Variants in USP10 observed in about 807,000 individuals in gnomAD.
The protein encoded by USP10 is ubiquitin specific peptidase 10, also known as ubiquitin carboxyl-terminal hydrolase 10.
USP10 carries 22 observed loss-of-function variants against 84.5 expected under a neutral mutation model. That is an observed-to-expected ratio of 0.26 (90% CI 0.19 to 0.37). The LOEUF is 0.37. Ranked by LOEUF, USP10 falls within the 10% of genes least tolerant of loss-of-function variation. USP10 has a pLI of 1.00. For missense variants in USP10, 1,019 were observed against 998.9 expected, an observed-to-expected ratio of 1.02 and a Z score of -0.27; for synonymous variants, 454 against 387.6, an observed-to-expected ratio of 1.17 and a Z score of -2.01.
intron 11 of USP10, among the ~76,000 whole-genome samples, chr16:84,770,725 T>A (rs561094825): frequency 1.4e-5 from 2 of 142,320 alleles, no homozygotes; most frequent in East Asian, 4.1e-4. Flanking sequence ...TGAGCCGAGA[T>A]AGCGCCACTG....
chr16:84,731,249 G>T (rs1427960906), intron 1 of USP10, among the ~76,000 whole-genome samples: 1 of 151,166 alleles, frequency 6.6e-6, no homozygotes, highest in African/African-American at 2.4e-5. Context: ...AGAGTGCTGG[G>T]ATTACAGGTG....
At chr16:84,771,584 C>G (rs937139368) in intron 11 of USP10, among the ~76,000 whole-genome samples, 1 of 152,150 alleles carries the variant, frequency 6.6e-6, no homozygotes, top group African/African-American at 2.4e-5. Flanking sequence ...TGGGTCAATA[C>G]TAGGCCTAGC....
At chr16:84,774,660 CG>C (rs1216923021) in intron 12 of USP10, among the ~76,000 whole-genome samples, 2 of 152,050 alleles carry the variant, frequency 1.3e-5, no homozygotes, top group African/African-American at 4.8e-5. Context: ...TTAATAGAGA[CG>C]TGGTTTCACT....
chr16:84,738,480 A>G (rs1910213830), intron 2 of USP10, among the ~76,000 whole-genome samples: 2 of 152,154 alleles, frequency 1.3e-5, no homozygotes, highest in Admixed American at 1.3e-4. Flanking sequence ...TTCCTGAGAC[A>G]CACATGGCCG....
chr16:84,725,189 C>G (rs1033198709), intron 1 of USP10, among the ~76,000 whole-genome samples: 2 of 152,154 alleles, frequency 1.3e-5, no homozygotes, highest in South Asian at 2.1e-4. Context: ...CAGTCACCGC[C>G]TCCCGCTCCC....
At chr16:84,767,163 A>G (rs1047955664) in intron 10 of USP10, among the ~76,000 whole-genome samples, 1 of 152,150 alleles carries the variant, frequency 6.6e-6, no homozygotes, top group Non-Finnish European at 1.5e-5. Flanking sequence ...TCTTCACCGC[A>G]TCTGTTCTGG....
chr16:84,739,145 GC>G (rs1364483632), intron 2 of USP10, among the ~76,000 whole-genome samples: 1 of 141,824 alleles, frequency 7.1e-6, no homozygotes, highest in Admixed American at 7.2e-5. Flanking sequence ...TGCAAGCTCC[GC>G]CTCCCGGGTT....
At chr16:84,719,979 A>G (rs942042027) in intron 1 of USP10, among the ~76,000 whole-genome samples, 6 of 152,338 alleles carry the variant, frequency 3.9e-5, no homozygotes, top group Non-Finnish European at 5.9e-5. Flanking sequence ...TACTTCTTCA[A>G]CCAAACCTTC....
At chr16:84,742,489 C>A (rs1416465192) in intron 3 of USP10, among the ~76,000 whole-genome samples, 1 of 152,244 alleles carries the variant, frequency 6.6e-6, no homozygotes, top group African/African-American at 2.4e-5. Context: ...CCCTCGCCCC[C>A]TGCCTTGTAG....
At chr16:84,752,749 G>A in intron 4 of USP10, among the ~76,000 whole-genome samples, 1 of 152,112 alleles carries the variant, frequency 6.6e-6, no homozygotes, top group East Asian at 1.9e-4. Context: ...GGAAGAAGAG[G>A]AGCTCACGAA....
chr16:84,704,981 C>G, intron 1 of USP10: 1 of 1,366,956 alleles, frequency 7.3e-7, no homozygotes, highest in Non-Finnish European at 1.0e-6. Context: ...GGCCCAGCAC[C>G]TGCTACCGTC....
chr16:84,711,043 C>T (rs1360591120), intron 1 of USP10, among the ~76,000 whole-genome samples: 2 of 152,050 alleles, frequency 1.3e-5, no homozygotes, highest in African/African-American at 4.8e-5. Flanking sequence ...ATTTTAGCGC[C>T]GAGTGGAATG....
At chr16:84,707,605 C>T (rs1024177544) in intron 1 of USP10, among the ~76,000 whole-genome samples, 1 of 152,008 alleles carries the variant, frequency 6.6e-6, no homozygotes, top group Admixed American at 6.6e-5. Flanking sequence ...ACCTTGTTTT[C>T]AAAATTATTG....
At chr16:84,750,633 T>A (rs1235805486) in intron 4 of USP10, among the ~76,000 whole-genome samples, 2 of 152,220 alleles carry the variant, frequency 1.3e-5, no homozygotes, top group African/African-American at 4.8e-5. Flanking sequence ...GGAACATTCC[T>A]CATATACTAG....
At chr16:84,748,616 G>T (rs1248658195) in intron 4 of USP10, among the ~76,000 whole-genome samples, 1 of 152,090 alleles carries the variant, frequency 6.6e-6, no homozygotes, top group African/African-American at 2.4e-5. Flanking sequence ...GAATATTATA[G>T]TTTCGTTTCT....
At chr16:84,711,719 C>CTTT (rs10706586) in intron 1 of USP10, among the ~76,000 whole-genome samples, 46 of 114,278 alleles carry the variant, frequency 4.0e-4, no homozygotes, top group African/African-American at 9.7e-4. Flanking sequence ...GAAGGGCTAG[C>CTTT]TTTTTTTTTT....
At chr16:84,752,494 A>G (rs1188567362) in intron 4 of USP10, among the ~76,000 whole-genome samples, 1 of 152,210 alleles carries the variant, frequency 6.6e-6, no homozygotes, top group Non-Finnish European at 1.5e-5. Context: ...TTTAGCCTCC[A>G]TAATTGGAAT....
At chr16:84,765,922 C>T (rs1298232002) in intron 10 of USP10, among the ~76,000 whole-genome samples, 3 of 152,166 alleles carry the variant, frequency 2.0e-5, no homozygotes, top group African/African-American at 7.2e-5. Context: ...TGGAATTCAG[C>T]AAAACTTGTA....
intron 1 of USP10, among the ~76,000 whole-genome samples, chr16:84,700,776 C>T (rs1171356329): frequency 6.6e-6 from 1 of 152,132 alleles, no homozygotes; most frequent in Non-Finnish European, 1.5e-5. Flanking sequence ...TGACAACTAA[C>T]GCACCCTGCC....
Sources: allele counts gnomAD v4.1 joint callset (sites outside exome capture counted in the v4.1 genomes callset), GRCh38; gene constraint gnomAD v4.1.1; transcripts MANE v1.5; gene names NCBI Gene and HGNC (gene_info 2026-07-23, HGNC 2026-07-21).